PLOD3: variants seen among roughly 807,000 people sequenced by gnomAD.
PLOD3 encodes the protein multifunctional procollagen lysine hydroxylase and glycosyltransferase LH3.
A neutral mutation model predicts 96.9 loss-of-function variants in PLOD3; 73 were observed. The ratio of observed to expected loss-of-function variants is 0.75; its 90% CI spans 0.62 to 0.92. PLOD3 has a LOEUF of 0.92. Among genes scored for constraint, PLOD3 ranks in the 40% least tolerant of loss-of-function variants. The pLI, the probability that PLOD3 is intolerant of heterozygous loss-of-function variation, is 0.00. For synonymous variants in PLOD3, 454 were observed against 413.7 expected (o/e 1.10, Z -1.18); for missense variants, 1,004 against 1,004.3 (o/e 1.00, Z 0.00).
chr7:101,213,707 T>C (rs1001060654), intron 6 of PLOD3, among the ~76,000 whole-genome samples: 2 of 151,888 alleles, frequency 1.3e-5, no homozygotes, highest in African/African-American at 4.8e-5. Context: ...ATTTTTTGTT[T>C]TTTATGCTGA....
At chr7:101,210,800 G>A (rs1269802447) in intron 12 of PLOD3, 127 bp from the exon 13 acceptor site, 2 of 1,008,958 alleles carry the variant, frequency 2.0e-6, no homozygotes, top group East Asian at 5.0e-5. Flanking sequence ...CATGTCCCTT[G>A]TCAAGCACTG....
chr7:101,216,671 C>G, intron 2 of PLOD3, 24 bp downstream of exon 2: 1 of 1,610,242 alleles, frequency 6.2e-7, no homozygotes. Context: ...GGACCCCCTC[C>G]CAGGGGCCTT....
At chr7:101,210,057 G>A in intron 15 of PLOD3, 36 bp downstream of exon 15, 1 of 1,395,932 alleles carries the variant, frequency 7.2e-7, no homozygotes, top group Non-Finnish European at 9.9e-7. Flanking sequence ...ATGGCCATGA[G>A]GGCAGGGGGT....
At position 101,216,208 on chromosome 7, in the gene PLOD3, G is replaced by C. The variant is rs759796861; in HGVS notation, c.457C>G (p.Gln153Glu). ...FCWPEWGLAE[Q>E]YPEVGTGKRF... ...TTCCCCGTGCCCACCTCAGGGTACT[G>C]CTCCGCCAGCCCCCACTCGGGCCAG... is the stretch of plus-strand genomic sequence containing the variant. The change falls in exon 4 of 19, where the codon CAG becomes GAG. Residue 153 changes from glutamine (Q) to glutamate (E), a missense_variant. Physicochemically the swap from Gln to Glu is conservative, Grantham distance 29. Around this residue, in one of 5 missense-constraint regions of PLOD3, gnomAD observed 690 missense variants for 650.2 expected, o/e 1.06. Transcript: ENST00000223127. The C allele has an allele frequency of 6.2e-7, 1 of 1,613,882 alleles. No homozygotes were observed. Among genetic ancestry groups the C allele is most frequent in the South Asian group, 1.1e-5 (1 of 91,082 alleles).
chr7:101,215,793 C>T (rs770006124), intron 5 of PLOD3, 115 bp downstream of exon 5: 74 of 757,394 alleles, frequency 9.8e-5, no homozygotes, highest in Non-Finnish European at 1.4e-4. Flanking sequence ...TGAGCCACCA[C>T]GCCCAGGCAC....
At chr7:101,209,964 A>T in intron 15 of PLOD3, 129 bp downstream of exon 15, 1 of 613,136 alleles carries the variant, frequency 1.6e-6, no homozygotes, top group Non-Finnish European at 2.9e-6. Context: ...CTCTGCCTTC[A>T]TCTTGTCTGA....
In PLOD3 at chr7:101,216,745, C is replaced by T; in HGVS notation, c.151G>A (p.Gly51Arg). The change falls in exon 2 of 19, where the codon GGG becomes AGG. Residue 51 changes from glycine (G) to arginine (R), a missense_variant. Physicochemically the swap from Gly to Arg is moderately radical, Grantham distance 125 (BLOSUM62 -2). Coordinates refer to ENST00000223127, the MANE Select transcript of PLOD3 (RefSeq NM_001084.5). ...GCAGAGCGCAGGAAACGCAGGTACC[C>T]CTCGGTTTCAGCTGTGGCCACAGTG... ...VITVATAETEGYLRFLRSAEF... is the reference protein window; with the variant it reads ...VITVATAETERYLRFLRSAEF... 3 of 1,614,066 alleles carry T rather than the reference C, an allele frequency of 1.9e-6. No homozygotes were observed. The highest frequency in any genetic ancestry group is 2.5e-6 in the Non-Finnish European group (3 of 1,179,948).
rs754058543 is a variant in PLOD3 at position 101,211,949 on chromosome 7, C to T, written c.1129G>A (p.Asp377Asn). The T allele has an allele frequency of 1.9e-6, 3 of 1,599,926 alleles. No individual in the cohort carries two copies. The highest frequency in any genetic ancestry group is 2.3e-5 in the East Asian group (1 of 44,382). ...CACTCGGGGTCCTGCCGACACAGGT[C>T]CCTGGAGGTGAGAGGCGAGCTGAGA... The part of the protein sequence containing the change: ...SPGEARDMAM[D>N]LCRQDPECEF... Residue 377 changes from aspartate to asparagine, a missense_variant and splice_region_variant, in exon 11 of 19, where the codon GAC (aspartate) becomes AAC (asparagine). Coordinates refer to ENST00000223127, the MANE Select transcript of PLOD3 (RefSeq NM_001084.5).
At chr7:101,209,970 T>G (rs1261481350) in intron 15 of PLOD3, 123 bp downstream of exon 15, 6 of 618,808 alleles carry the variant, frequency 9.7e-6, no homozygotes, top group Non-Finnish European at 1.7e-5. Context: ...CTTCATCTTG[T>G]CTGAACAGAA....
intron 11 of PLOD3, 46 bp downstream of exon 11, chr7:101,211,800 G>T (rs1225994034): frequency 1.3e-6 from 2 of 1,586,144 alleles, no homozygotes; most frequent in Non-Finnish European, 1.7e-6. Context: ...GGGTTCCCGG[G>T]GCCTGTTGGG....
intron 16 of PLOD3, among the ~76,000 whole-genome samples, chr7:101,208,429 T>C (rs1441107110): frequency 6.6e-6 from 1 of 152,164 alleles, no homozygotes; most frequent in Non-Finnish European, 1.5e-5. Flanking sequence ...TTAGTAGAGA[T>C]GGGGTTTCTC....
intron 15 of PLOD3, 126 bp from the exon 16 acceptor site, chr7:101,209,083 C>T (rs576865759): frequency 2.3e-5 from 17 of 737,198 alleles, no homozygotes; most frequent in South Asian, 1.3e-4. Context: ...GCCGGGGACC[C>T]GCCAGGTAGG....
rs985937235 is a variant in PLOD3, at chr7:101,209,210, C to CT, written c.1684-254dup. 0.015 allele frequency among the ~76,000 whole-genome samples: 2,164 copies of CT among 143,202 alleles called. 16 individuals are homozygous for CT. The highest frequency in any genetic ancestry group is 0.019 in the Non-Finnish European group (1,245 of 65,110). 93.9% of individuals were successfully genotyped at this position (143,202 alleles called of 152,430 possible). Reference sequence around the variant, plus strand: ...CAAACTTCCGTAACAGTGCATACCTCTTTTTTTTTTTTTTGAGATAGGGTA... The same window carrying CT: ...CAAACTTCCGTAACAGTGCATACCTCTTTTTTTTTTTTTTTGAGATAGGGTA... On this transcript the variant is annotated intron_variant, in intron 15 of 18. Coordinates refer to ENST00000223127, the MANE Select transcript of PLOD3 (RefSeq NM_001084.5).
chr7:101,209,743 G>A (rs1479927224), intron 15 of PLOD3: 1 of 225,922 alleles, frequency 4.4e-6, no homozygotes, highest in Non-Finnish European at 8.7e-6. Flanking sequence ...TTCTCGCTAT[G>A]TTGCCCAGGC....
At position 101,210,171 on chromosome 7, in the gene PLOD3, GGTGGGGGGCACATCAGATCT is replaced by G. The variant is rs1273317101; in HGVS notation, c.1615-30_1615-11del. The G allele has an allele frequency of 6.3e-7, 1 of 1,599,640 alleles. No homozygotes were observed. The highest frequency in any genetic ancestry group is 8.5e-7 in the Non-Finnish European group (1 of 1,171,730). On this transcript the variant is annotated splice_polypyrimidine_tract_variant and intron_variant, in intron 14 of 18. Transcript: ENST00000223127. Reference sequence around the variant, plus strand: ...ACTGCTCCTTCCAGTCCTGTGAGAGGGTGGGGGGCACATCAGATCTGTGCCCCCCTCGCTCCCAGCCCCCA... The same window carrying G: ...ACTGCTCCTTCCAGTCCTGTGAGAGGGTGCCCCCCTCGCTCCCAGCCCCCA...
In PLOD3 at chr7:101,215,949, GGTC is replaced by G. The variant is rs1346748887; in HGVS notation, c.571_573del (p.Asp191del). The stretch of plus-strand genomic sequence containing the variant: ...AGGTAGAGCCGTGTGTAGAACAGCT[GGTC>G]GTCGTCATCATCCTTGTACTTCCAC... On this transcript the variant is annotated inframe_deletion, in exon 5 of 19. Coordinates refer to ENST00000223127, the MANE Select transcript of PLOD3 (RefSeq NM_001084.5). 2 of 1,613,044 alleles carry G rather than the reference GGTC, an allele frequency of 1.2e-6. No individual in the cohort carries two copies. The highest frequency in any genetic ancestry group is 1.3e-5 in the African/African-American group (1 of 74,640).
intron 6 of PLOD3, among the ~76,000 whole-genome samples, chr7:101,213,830 C>G (rs1798227121): frequency 6.6e-6 from 1 of 152,012 alleles, no homozygotes; most frequent in African/African-American, 2.4e-5. Flanking sequence ...TCCCGGGTAG[C>G]CAGGATTACA....
rs1437923594 is a variant in PLOD3 at position 101,212,241 on chromosome 7, G to A, written c.1127+12C>T. 1 of 1,611,724 alleles carries A rather than the reference G, an allele frequency of 6.2e-7. No individual in the cohort carries two copies. Among genetic ancestry groups the A allele is most frequent in the Non-Finnish European group, 8.5e-7 (1 of 1,179,890 alleles). ...TCATCCCACCCTCTCCTCCCCGCAA[G>A]CACCCGCTCACATGGCCATGTCCCT... On this transcript the variant is annotated intron_variant, in intron 10 of 18. Transcript: ENST00000223127.
chr7:101,206,734 G>C, intron 18 of PLOD3, 45 bp downstream of exon 18: 1 of 1,562,990 alleles, frequency 6.4e-7, no homozygotes. Flanking sequence ...GGGGACCCGA[G>C]GGTCCTGAGG....
Sources: allele counts gnomAD v4.1 joint callset (sites outside exome capture counted in the v4.1 genomes callset), GRCh38; gene constraint gnomAD v4.1.1; regional missense constraint gnomAD v4.1.1; transcripts MANE v1.5; gene names NCBI Gene and HGNC (gene_info 2026-07-23, HGNC 2026-07-21).